KHDRBS2: variants seen among roughly 807,000 people sequenced by gnomAD.
KHDRBS2 encodes the protein KH domain-containing, RNA-binding, signal transduction-associated protein 2.
A neutral mutation model predicts 44.3 loss-of-function variants in KHDRBS2; 26 were observed. The ratio of observed to expected loss-of-function variants is 0.59; its 90% CI spans 0.43 to 0.81. The LOEUF is 0.81. Among genes scored for constraint, KHDRBS2 ranks in the 40% least tolerant of loss-of-function variants. The pLI, the probability that KHDRBS2 is intolerant of heterozygous loss-of-function variation, is 0.00. For missense variants in KHDRBS2, 476 were observed against 433.1 expected, an observed-to-expected ratio of 1.10 and a Z score of -0.88; for synonymous variants, 194 against 151.1, an observed-to-expected ratio of 1.28 and a Z score of -2.08.
intron 6 of KHDRBS2, among the ~76,000 whole-genome samples, chr6:61,750,697 A>C (rs1452254215): frequency 6.7e-6 from 1 of 149,232 alleles, no homozygotes; most frequent in African/African-American, 2.5e-5. Context: ...CCTTTTTCAC[A>C]TTTTGCTTAT....
chr6:62,246,388 A>G (rs1835581436), intron 1 of KHDRBS2, among the ~76,000 whole-genome samples: 2 of 151,954 alleles, frequency 1.3e-5, no homozygotes, highest in Admixed American at 6.6e-5. Context: ...TAAGAAAAAC[A>G]TTCACTTCTC....
chr6:61,560,919 A>G, the KHDRBS2 span, among the ~76,000 whole-genome samples: 1 of 152,042 alleles, frequency 6.6e-6, no homozygotes, highest in African/African-American at 2.4e-5. Flanking sequence ...TACCTATTTT[A>G]GTCTTTGCAA....
chr6:61,748,355 A>G (rs1777160253), intron 6 of KHDRBS2, among the ~76,000 whole-genome samples: 1 of 152,046 alleles, frequency 6.6e-6, no homozygotes, highest in African/African-American at 2.4e-5. Context: ...TTATTCATGT[A>G]TTTATTTATT....
intron 7 of KHDRBS2, among the ~76,000 whole-genome samples, chr6:61,722,092 C>T (rs907279060): frequency 3.2e-4 from 49 of 152,120 alleles, no homozygotes; most frequent in African/African-American, 1.0e-3. Context: ...TATTGATTTG[C>T]GTGTGTTGAA....
chr6:62,024,009 A>C (rs1296112047), intron 3 of KHDRBS2, among the ~76,000 whole-genome samples: 4 of 151,316 alleles, frequency 2.6e-5, no homozygotes, highest in Non-Finnish European at 5.9e-5. Context: ...AAGAGTCTCT[A>C]CCAAAATAAT....
At chr6:62,111,671 C>T (rs2127383373) in intron 2 of KHDRBS2, among the ~76,000 whole-genome samples, 1 of 152,104 alleles carries the variant, frequency 6.6e-6, no homozygotes, top group East Asian at 1.9e-4. Flanking sequence ...CACTTGAGGC[C>T]AGGAGTTAGA....
chr6:61,595,109 TA>T, the KHDRBS2 span, among the ~76,000 whole-genome samples: 1 of 152,160 alleles, frequency 6.6e-6, no homozygotes, highest in South Asian at 2.1e-4. Context: ...TATTTCTTTT[TA>T]ATACTATATA....
At chr6:61,568,169 T>A in the KHDRBS2 span, among the ~76,000 whole-genome samples, 1 of 152,304 alleles carries the variant, frequency 6.6e-6, no homozygotes, top group South Asian at 2.1e-4. Context: ...GCTTTATTTC[T>A]GGGTTCTCTA....
At chr6:61,830,562 T>C (rs1194085038) in intron 6 of KHDRBS2, among the ~76,000 whole-genome samples, 1 of 152,188 alleles carries the variant, frequency 6.6e-6, no homozygotes, top group Non-Finnish European at 1.5e-5. Context: ...TCATACAGAA[T>C]TTAGTTTTGA....
intron 6 of KHDRBS2, among the ~76,000 whole-genome samples, chr6:61,835,152 C>G (rs1418864868): frequency 4.6e-5 from 7 of 152,108 alleles, no homozygotes; most frequent in Admixed American, 1.3e-4. Context: ...AATTTTGGAG[C>G]TTTTAACCTT....
chr6:61,647,118 C>T, the KHDRBS2 span, among the ~76,000 whole-genome samples: 16 of 152,124 alleles, frequency 1.1e-4, no homozygotes, highest in South Asian at 4.2e-4. Flanking sequence ...TGTGCCTGGC[C>T]CATATGGTAA....
chr6:61,710,812 T>TA (rs397696832), intron 7 of KHDRBS2, among the ~76,000 whole-genome samples: 4 of 142,954 alleles, frequency 2.8e-5, no homozygotes, highest in South Asian at 2.3e-4. Context: ...TTTTTTTTTT[T>TA]AATCTTGATC....
chr6:61,572,076 T>C, the KHDRBS2 span, among the ~76,000 whole-genome samples: 1 of 152,058 alleles, frequency 6.6e-6, no homozygotes, highest in Admixed American at 6.5e-5. Flanking sequence ...ATCAGAAATA[T>C]TAACCAAACA....
chr6:61,743,780 T>A (rs1298445454), intron 6 of KHDRBS2, among the ~76,000 whole-genome samples: 2 of 72,712 alleles, frequency 2.8e-5, no homozygotes, highest in African/African-American at 1.1e-4. Flanking sequence ...ATCCCCCCCC[T>A]CCCCCCACCC....
At position 62,251,077 on chromosome 6, in the gene KHDRBS2, T is replaced by C. The variant is rs547251812; in HGVS notation, c.91+34781A>G. On this transcript the variant is annotated intron_variant, in intron 1 of 8. Coordinates refer to ENST00000281156, the MANE Select transcript of KHDRBS2 (RefSeq NM_152688.4). ...ACTAAACTGTAGCTATGTAAGTGAA[T>C]ATCTCTACTTTTAGATAATACACAC... Among the ~76,000 whole-genome samples, 3 of 152,058 alleles carry C rather than the reference T, an allele frequency of 2.0e-5. No individual in the cohort carries two copies. The South Asian group carries it at 6.2e-4, about 32-fold the overall frequency.
At chr6:62,026,249 A>G (rs963788655) in intron 3 of KHDRBS2, among the ~76,000 whole-genome samples, 23 of 151,694 alleles carry the variant, frequency 1.5e-4, no homozygotes, top group African/African-American at 5.3e-4. Flanking sequence ...GGCAATATGC[A>G]ATGGAAGTGA....
At chr6:62,068,158 A>G (rs550457362) in intron 2 of KHDRBS2, among the ~76,000 whole-genome samples, 2 of 151,614 alleles carry the variant, frequency 1.3e-5, no homozygotes, top group African/African-American at 4.8e-5. Flanking sequence ...CCCACCTGTA[A>G]TGCATGTGGG....
the KHDRBS2 span, among the ~76,000 whole-genome samples, chr6:61,551,600 C>A: frequency 2.0e-5 from 3 of 152,146 alleles, no homozygotes; most frequent in African/African-American, 7.2e-5. Context: ...AGTTACCCAG[C>A]ACCATTTATA....
the KHDRBS2 span, among the ~76,000 whole-genome samples, chr6:61,544,531 C>T: frequency 8.5e-5 from 13 of 152,082 alleles, no homozygotes; most frequent in African/African-American, 3.1e-4. Context: ...ATGCTTATTC[C>T]TTTCCCAACT....
Sources: allele counts gnomAD v4.1 joint callset (sites outside exome capture counted in the v4.1 genomes callset), GRCh38; gene constraint gnomAD v4.1.1; transcripts MANE v1.5; gene names NCBI Gene and HGNC (gene_info 2026-07-23, HGNC 2026-07-21).